Variants in C21orf58 observed in about 807,000 individuals in gnomAD.
C21orf58 encodes uncharacterized protein C21orf58.
Under a neutral mutation model 35.8 loss-of-function variants are expected in C21orf58, and 34 were observed. The observed-to-expected ratio is 0.95, with a 90% confidence interval of 0.72 to 1.26. The LOEUF (loss-of-function observed/expected upper bound fraction) is 1.26. Ranked by LOEUF, C21orf58 falls within the 50% of genes most tolerant of loss-of-function variation. C21orf58 has a pLI of 0.00. For synonymous variants in C21orf58, 191 were observed against 175.8 expected, an observed-to-expected ratio of 1.09 and a Z score of -0.68; for missense variants, 440 against 414.3, an observed-to-expected ratio of 1.06 and a Z score of -0.54.
chr21:46,310,531 G>A (rs1601670123), intron 6 of C21orf58, among the ~76,000 whole-genome samples: 1 of 150,300 alleles, frequency 6.7e-6, no homozygotes. Flanking sequence ...AAATTGGGCC[G>A]GGCACAGTGG....
At chr21:46,315,144 T>C in intron 4 of C21orf58, 2 of 900,664 alleles carry the variant, frequency 2.2e-6, no homozygotes, top group South Asian at 1.8e-5. Flanking sequence ...CCAGGCCTAC[T>C]TTTTTCTAGG....
rs2082890864 is a variant in C21orf58 at position 46,314,651 on chromosome 21, T to C, written c.609+65A>G. 3.2e-6 allele frequency: 4 copies of C among 1,260,142 alleles called. No homozygotes were observed. In the Middle Eastern group the frequency reaches 1.1e-3, roughly 347 times the overall value. The allele number at this position is 1,260,142 out of a possible 1,614,324, so 78.1% of individuals were successfully genotyped here. A position where few individuals can be genotyped will look rare whatever the true frequency, so the allele number is the denominator to read the frequency against. On this transcript the variant is annotated intron_variant, in intron 5 of 7. Coordinates refer to ENST00000291691, the MANE Select transcript of C21orf58 (RefSeq NM_058180.5). ...TGCAGGCACAGCGCCTCCTGCCTTCTGTAAAATCTTAATTCCGCACCCGCC... is the reference window on the plus strand; with the variant it reads ...TGCAGGCACAGCGCCTCCTGCCTTCCGTAAAATCTTAATTCCGCACCCGCC...
downstream of C21orf58, chr21:46,300,982 G>A (rs1007489572): frequency 1.3e-6 from 1 of 780,226 alleles, no homozygotes; most frequent in African/African-American, 1.8e-5. Context: ...TGAGGGGAGT[G>A]AGCCGCCCTT....
At chr21:46,302,460 G>C (rs763349697) in intron 7 of C21orf58, 25 bp downstream of exon 7, 1 of 1,557,936 alleles carries the variant, frequency 6.4e-7, no homozygotes, top group Non-Finnish European at 8.8e-7. Context: ...CCTTGGCCTA[G>C]GGTTCTGCTG....
intron 2 of C21orf58, 135 bp from the exon 3 acceptor site, chr21:46,317,403 G>GCTCC: frequency 6.7e-7 from 1 of 1,490,886 alleles, no homozygotes; most frequent in African/African-American, 1.4e-5. Flanking sequence ...GGGCCAACAG[G>GCTCC]CGGGAGTCAA....
At chr21:46,305,956 G>T (rs1047908620) in intron 6 of C21orf58, among the ~76,000 whole-genome samples, 2 of 150,492 alleles carry the variant, frequency 1.3e-5, no homozygotes, top group African/African-American at 2.4e-5. Flanking sequence ...AAAAAGAAAA[G>T]AATCTTGAGT....
intron 1 of C21orf58, among the ~76,000 whole-genome samples, chr21:46,319,589 C>T (rs2083088872): frequency 6.6e-6 from 1 of 152,070 alleles, no homozygotes; most frequent in Non-Finnish European, 1.5e-5. Flanking sequence ...ACAACAAGAC[C>T]CCATCTCTAT....
rs754152839 is a variant in C21orf58 at position 46,318,253 on chromosome 21, G to A, written c.101-33C>T. 9.9e-6 allele frequency: 16 copies of A among 1,609,128 alleles called. No homozygotes were observed. In the African/African-American group the frequency reaches 1.2e-4, roughly 12 times the overall value. ...AAGAGAAGAGCCCTGTGGGAAGATA[G>A]CCACACCCTCCCTGGACTGCAGTGC... On this transcript the variant is annotated intron_variant, in intron 1 of 7. Transcript: ENST00000291691.
In C21orf58 at chr21:46,303,602, C is replaced by T. The variant is rs182993902; in HGVS notation, c.722-1026G>A. 2.5e-3 allele frequency among the ~76,000 whole-genome samples: 375 copies of T among 148,108 alleles called. 2 individuals carry two copies. The highest frequency in any genetic ancestry group is 8.4e-3 in the African/African-American group (339 of 40,356). ...CACGGTGGCTCATGCCTGTGATGCT[C>T]GCACTTTGGGAGACCGAGACAGGAG... On this transcript the variant is annotated intron_variant, in intron 6 of 7. Coordinates refer to ENST00000291691, the MANE Select transcript of C21orf58 (RefSeq NM_058180.5).
intron 5 of C21orf58, among the ~76,000 whole-genome samples, chr21:46,314,131 G>GTTTTTTTTTTTTTTTTTTTTT (rs140166854): frequency 2.1e-5 from 3 of 145,032 alleles, no homozygotes; most frequent in Non-Finnish European, 1.5e-5. Context: ...GCATGATAAA[G>GTTTTTTTTTTTTTTTTTTTTT]TTTTTTTTTT....
intron 1 of C21orf58, chr21:46,319,131 C>T (rs1380495199): frequency 6.6e-6 from 1 of 152,372 alleles, no homozygotes; most frequent in Admixed American, 6.5e-5. Flanking sequence ...CATGTAGGGA[C>T]CCTGAAGCTG....
chr21:46,306,548 C>T (rs2082428351), intron 6 of C21orf58, among the ~76,000 whole-genome samples: 1 of 152,168 alleles, frequency 6.6e-6, no homozygotes, highest in African/African-American at 2.4e-5. Context: ...TACAAACTCC[C>T]TCAGTATCTA....
chr21:46,318,085 G>A lies in C21orf58; in HGVS notation c.236C>T (p.Pro79Leu). Residue 79 changes from proline to leucine, a missense_variant, in exon 2 of 8, where the codon CCT becomes CTT. By Grantham distance (98) the Pro-to-Leu change is moderately conservative. Transcript: ENST00000291691. ...LWPPLPLQSS[P>L]AAPTMLDSSA... is the part of the protein sequence containing the mutation. ...TGAGTCCAGCATGGTGGGAGCTGCA[G>A]GAGACGACTGTAGGGGCAGGGGAGG... 1 of 1,613,414 alleles carries A rather than the reference G, an allele frequency of 6.2e-7. No individual in the cohort carries two copies. Among genetic ancestry groups the A allele is most frequent in the Non-Finnish European group, 8.5e-7 (1 of 1,180,016 alleles).
intron 6 of C21orf58, among the ~76,000 whole-genome samples, chr21:46,310,161 AGTATAT>A (rs1220563530): frequency 1.3e-5 from 2 of 152,144 alleles, no homozygotes; most frequent in East Asian, 3.9e-4. Context: ...TAGTGATATA[AGTATAT>A]GTTATATGTA....
At chr21:46,303,402 A>G (rs1168189559) in intron 6 of C21orf58, among the ~76,000 whole-genome samples, 1 of 151,918 alleles carries the variant, frequency 6.6e-6, no homozygotes, top group Non-Finnish European at 1.5e-5. Flanking sequence ...TGAAAAGGCA[A>G]CCACAAGAAG....
At chr21:46,308,277 A>G (rs2082514978) in intron 6 of C21orf58, among the ~76,000 whole-genome samples, 2 of 152,072 alleles carry the variant, frequency 1.3e-5, no homozygotes, top group Admixed American at 6.5e-5. Context: ...CCTGGCCAAC[A>G]TGGAGAAACC....
intron 3 of C21orf58, 86 bp downstream of exon 3, chr21:46,317,122 C>T (rs2083000773): frequency 1.7e-6 from 2 of 1,178,468 alleles, no homozygotes; most frequent in South Asian, 2.6e-5. Context: ...AGTTGCTGTC[C>T]CCACCTCCCC....
intron 2 of C21orf58, among the ~76,000 whole-genome samples, chr21:46,317,678 G>A (rs1208348489): frequency 1.3e-5 from 2 of 152,228 alleles, no homozygotes; most frequent in African/African-American, 2.4e-5. Flanking sequence ...CGGCCTGTGG[G>A]CCAGGATGCA....
At chr21:46,315,442 A>G in intron 4 of C21orf58, 32 bp downstream of exon 4, 2 of 1,387,526 alleles carry the variant, frequency 1.4e-6, no homozygotes, top group Non-Finnish European at 2.1e-6. Context: ...CAGTGAGCTC[A>G]GCCAGGTTCG....
Sources: gnomAD v4.1 joint callset for allele counts (sites outside exome capture counted in the v4.1 genomes callset) on GRCh38, gnomAD v4.1.1 for gene constraint, MANE v1.5 for transcripts, NCBI Gene and HGNC (gene_info 2026-07-23, HGNC 2026-07-21) for gene names.